PTPRG: variants seen among roughly 807,000 people sequenced by gnomAD.
PTPRG encodes receptor-type tyrosine-protein phosphatase gamma.
A neutral mutation model predicts 165.3 loss-of-function variants in PTPRG; 102 were observed. The observed-to-expected ratio is 0.62, with a 90% CI of 0.53 to 0.73. PTPRG has a LOEUF of 0.73. Ranked by LOEUF, PTPRG falls within the 30% of genes least tolerant of loss-of-function variation. The pLI, the probability that PTPRG is intolerant of heterozygous loss-of-function variation, is 0.00. For missense variants in PTPRG, 1,866 were observed against 1,861.4 expected (o/e 1.00, Z -0.05); for synonymous variants, 675 against 669.5 (o/e 1.01, Z -0.13).
chr3:61,600,159 CAAAA>C (rs376881197), intron 1 of PTPRG, among the ~76,000 whole-genome samples: 2,831 of 113,414 alleles, frequency 0.025, 57 homozygotes, highest in East Asian at 0.11. Flanking sequence ...GACATTGTCT[CAAAA>C]AAAAAAAAAA....
At chr3:62,043,902 A>G (rs1295626014) in intron 4 of PTPRG, among the ~76,000 whole-genome samples, 1 of 152,206 alleles carries the variant, frequency 6.6e-6, no homozygotes, top group Non-Finnish European at 1.5e-5. Context: ...CAGCTTATCA[A>G]TATCATAGGG....
Position 62,195,282 on chromosome 3 carries a change from G to GA in PTPRG, c.1327+114dup, listed in dbSNP as rs1300578839. 2.0e-6 allele frequency: 2 copies of GA among 986,698 alleles called. No homozygotes were observed. Among genetic ancestry groups the GA allele is most frequent in the Non-Finnish European group, 1.6e-6 (1 of 636,580 alleles). 61.1% of individuals were successfully genotyped at this position (986,698 alleles called of 1,614,324 possible). A position where few individuals can be genotyped will look rare whatever the true frequency, so the allele number is the denominator to read the frequency against. On this transcript the variant is annotated intron_variant, in intron 10 of 29. Transcript: ENST00000474889. This position sits in a 1 kb window ranked among gnomAD's most constrained non-coding sequence, Gnocchi z 4.4. ...AAAAATACAAACAAGCCTGGCAGAA[G>GA]AATCAGTGTAGGGTTTTAAAGCCTA... is the stretch of plus-strand genomic sequence containing the variant.
chr3:61,688,756 T>G (rs2029950183), intron 1 of PTPRG, among the ~76,000 whole-genome samples: 1 of 152,254 alleles, frequency 6.6e-6, no homozygotes, highest in South Asian at 2.1e-4. Flanking sequence ...TTTGCCTGTT[T>G]CTGGGTCATT....
At chr3:61,707,703 C>T (rs1414124702) in intron 1 of PTPRG, among the ~76,000 whole-genome samples, 1 of 152,228 alleles carries the variant, frequency 6.6e-6, no homozygotes, top group Non-Finnish European at 1.5e-5. Flanking sequence ...ATGAATTGAC[C>T]AAATATCTGG....
intron 2 of PTPRG, among the ~76,000 whole-genome samples, chr3:61,959,956 C>T (rs2040113759): frequency 6.6e-6 from 1 of 152,124 alleles, no homozygotes; most frequent in Non-Finnish European, 1.5e-5. Context: ...TTGTCTTCTC[C>T]TCTGCAGCTT....
At chr3:62,218,727 G>A in intron 12 of PTPRG, 124 bp from the exon 13 acceptor site, 2 of 1,276,160 alleles carry the variant, frequency 1.6e-6, no homozygotes, top group Non-Finnish European at 2.2e-6. Context: ...CTGTCATGGG[G>A]CAGCTCAGAG....
chr3:62,212,513 C>T (rs1029992704), intron 12 of PTPRG, among the ~76,000 whole-genome samples: 3 of 152,144 alleles, frequency 2.0e-5, no homozygotes, highest in African/African-American at 7.2e-5. Context: ...TTTTTACTTT[C>T]GTTTTTGAGG....
At chr3:62,118,142 ATTTG>A (rs1203265364) in intron 5 of PTPRG, among the ~76,000 whole-genome samples, 1 of 152,178 alleles carries the variant, frequency 6.6e-6, no homozygotes, top group Non-Finnish European at 1.5e-5. Context: ...CAGTTAAGTA[ATTTG>A]TTTGTGTAAA....
In PTPRG at chr3:61,655,173, C is replaced by T. The variant is rs760448322; in HGVS notation, c.85+92801C>T. Among the ~76,000 whole-genome samples, 15 of 152,192 alleles carry T rather than the reference C, an allele frequency of 9.9e-5. No homozygotes were observed. The East Asian group carries it at 1.6e-3, about 16-fold the overall frequency. ...CCTGCAGGTGGAATGGTTGAGTCGC[C>T]GAGTCCCCTGCCAGATTGTCCAGAG... On this transcript the variant is annotated intron_variant, in intron 1 of 29. Transcript: ENST00000474889.
At chr3:62,032,998 G>A (rs1374145223) in intron 4 of PTPRG, among the ~76,000 whole-genome samples, 2 of 152,162 alleles carry the variant, frequency 1.3e-5, no homozygotes, top group Non-Finnish European at 2.9e-5. Context: ...GACATGATGA[G>A]TTCATCTTGT....
chr3:62,051,466 A>G (rs954317103), intron 4 of PTPRG, among the ~76,000 whole-genome samples: 4 of 152,152 alleles, frequency 2.6e-5, no homozygotes, highest in Non-Finnish European at 5.9e-5. Context: ...TATAAAAGCC[A>G]TTTGCAGCTT....
intron 6 of PTPRG, among the ~76,000 whole-genome samples, chr3:62,147,569 C>G (rs1357356173): frequency 6.6e-6 from 1 of 152,100 alleles, no homozygotes; most frequent in African/African-American, 2.4e-5. Flanking sequence ...AACATGTTTC[C>G]TTTATTAGTG....
At chr3:62,010,316 C>T (rs1035472644) in intron 4 of PTPRG, among the ~76,000 whole-genome samples, 1 of 151,678 alleles carries the variant, frequency 6.6e-6, no homozygotes, top group Middle Eastern at 3.4e-3. Context: ...AATCTGTTTA[C>T]CTTTGTTTAA....
At chr3:61,943,266 G>A (rs538036904) in intron 2 of PTPRG, among the ~76,000 whole-genome samples, 28 of 152,252 alleles carry the variant, frequency 1.8e-4, no homozygotes, top group Admixed American at 1.6e-3. Flanking sequence ...CAGTTGTTGT[G>A]AACCTGTTTT....
At chr3:62,122,287 G>T (rs1703103794) in intron 5 of PTPRG, among the ~76,000 whole-genome samples, 1 of 152,188 alleles carries the variant, frequency 6.6e-6, no homozygotes, top group Non-Finnish European at 1.5e-5. Context: ...CATAGAGGAT[G>T]ATGACAAGGA....
At chr3:61,758,381 CAT>C (rs1468895875) in intron 2 of PTPRG, among the ~76,000 whole-genome samples, 4 of 152,188 alleles carry the variant, frequency 2.6e-5, no homozygotes, top group African/African-American at 9.7e-5. Context: ...TGGTAAATAA[CAT>C]ATTGTTGGTG....
intron 1 of PTPRG, among the ~76,000 whole-genome samples, chr3:61,715,281 A>G (rs1460693793): frequency 2.6e-5 from 4 of 150,996 alleles, no homozygotes; most frequent in African/African-American, 9.8e-5. Context: ...TAGTGGCATG[A>G]TCATGGCTCA....
Position 61,562,378 on chromosome 3 carries a change from T to G in PTPRG, c.85+6T>G, listed in dbSNP as rs201903648. ...TTATGTCGTGTGCTTCCCCGGTGAGTGCCGGCCGCCGAGGGGATGCGGCCC... is the reference window on the plus strand; with the variant it reads ...TTATGTCGTGTGCTTCCCCGGTGAGGGCCGGCCGCCGAGGGGATGCGGCCC... On this transcript the variant is annotated splice_donor_region_variant and intron_variant, in intron 1 of 29. Transcript: ENST00000474889. 6.1e-5 allele frequency: 98 copies of G among 1,612,800 alleles called. No individual in the cohort carries two copies. In the African/African-American group the frequency reaches 1.2e-3, roughly 20 times the overall value.
At chr3:61,653,518 T>A (rs539475666) in intron 1 of PTPRG, among the ~76,000 whole-genome samples, 1 of 152,298 alleles carries the variant, frequency 6.6e-6, no homozygotes, top group East Asian at 1.9e-4. Flanking sequence ...TTTATGTACA[T>A]GAGACTGTAT....
Sources: allele counts gnomAD v4.1 joint callset (sites outside exome capture counted in the v4.1 genomes callset), GRCh38; gene constraint gnomAD v4.1.1; non-coding constraint Gnocchi (gnomAD v3.1); transcripts MANE v1.5; gene names NCBI Gene and HGNC (gene_info 2026-07-23, HGNC 2026-07-21).